LUZP2: variants seen among roughly 807,000 people sequenced by gnomAD.
LUZP2 encodes leucine zipper protein 2.
In LUZP2, 52 loss-of-function variants were observed where a neutral mutation model predicts 51.6. The observed-to-expected ratio is 1.01, with a 90% CI of 0.81 to 1.27. The LOEUF (loss-of-function observed/expected upper bound fraction) is 1.27, where lower values mean the gene tolerates loss of function less well. LUZP2 is among the 50% of genes most tolerant of loss of function. The probability of loss-of-function intolerance (pLI) is 0.00; values close to 1 mark genes in which losing one functional copy is unlikely to be tolerated. For missense variants in LUZP2, 436 were observed against 395.4 expected (o/e 1.10, Z -0.87); for synonymous variants, 154 against 137.3 (o/e 1.12, Z -0.85).
intron 1 of LUZP2, among the ~76,000 whole-genome samples, chr11:24,665,752 G>T (rs1856192248): frequency 6.6e-6 from 1 of 152,108 alleles, no homozygotes; most frequent in South Asian, 2.1e-4. Context: ...CTTCTGCCAT[G>T]ATTGTAAATT....
chr11:24,604,620 G>T (rs1853851207), intron 1 of LUZP2, among the ~76,000 whole-genome samples: 1 of 151,800 alleles, frequency 6.6e-6, no homozygotes, highest in East Asian at 1.9e-4. Flanking sequence ...GACACTGACT[G>T]CCTGGGTTCC....
chr11:24,642,532 C>T (rs1277041906), intron 1 of LUZP2, among the ~76,000 whole-genome samples: 1 of 151,732 alleles, frequency 6.6e-6, no homozygotes, highest in African/African-American at 2.4e-5. Flanking sequence ...GGTTTAGAAA[C>T]CATCATGGGA....
chr11:24,875,472 T>C (rs1852221876), intron 5 of LUZP2, among the ~76,000 whole-genome samples: 1 of 137,476 alleles, frequency 7.3e-6, no homozygotes, highest in Non-Finnish European at 1.6e-5. Flanking sequence ...ATGGTGTATA[T>C]GTGCCACATT....
chr11:24,956,365 G>C (rs1197945795), intron 7 of LUZP2, among the ~76,000 whole-genome samples: 1 of 152,020 alleles, frequency 6.6e-6, no homozygotes, highest in Non-Finnish European at 1.5e-5. Flanking sequence ...GGCCCAGTAA[G>C]TCATATTTTG....
rs775400617 is a variant in LUZP2, at chr11:24,986,147, T to A, written c.765+2854T>A. On this transcript the variant is annotated intron_variant, in intron 9 of 11. Coordinates refer to ENST00000336930, the MANE Select transcript of LUZP2 (RefSeq NM_001009909.4). ...CACTGTGTTTATTCAGAATGATAAA[T>A]ACTCCAGTGGTCTGTTGGAGCTGGC... is the stretch of plus-strand genomic sequence containing the variant. 2.0e-5 allele frequency among the ~76,000 whole-genome samples: 3 copies of A among 151,758 alleles called. No homozygotes were observed. The East Asian group carries it at 5.8e-4, about 29-fold the overall frequency.
At chr11:24,746,003 T>C (rs958703839) in intron 4 of LUZP2, among the ~76,000 whole-genome samples, 13 of 152,164 alleles carry the variant, frequency 8.5e-5, no homozygotes, top group African/African-American at 3.1e-4. Context: ...TGCAGTTCGG[T>C]ATCTTTTAAG....
chr11:24,907,527 C>T (rs774606259), intron 6 of LUZP2, among the ~76,000 whole-genome samples: 25 of 151,842 alleles, frequency 1.6e-4, no homozygotes, highest in Non-Finnish European at 3.7e-4. Context: ...TACAAATAGA[C>T]TTGTACATTG....
At chr11:24,858,193 C>T (rs1851627725) in intron 5 of LUZP2, among the ~76,000 whole-genome samples, 1 of 152,234 alleles carries the variant, frequency 6.6e-6, no homozygotes, top group East Asian at 1.9e-4. Flanking sequence ...AATTGTTGAG[C>T]ATACTTTTAA....
At chr11:24,984,130 G>C (rs1223033693) in intron 9 of LUZP2, among the ~76,000 whole-genome samples, 1 of 151,508 alleles carries the variant, frequency 6.6e-6, no homozygotes, top group African/African-American at 2.4e-5. Context: ...AGCATCACTT[G>C]TTATTAAAAT....
chr11:24,663,480 T>C (rs1386986732), intron 1 of LUZP2, among the ~76,000 whole-genome samples: 3 of 152,216 alleles, frequency 2.0e-5, no homozygotes, highest in African/African-American at 7.2e-5. Flanking sequence ...CTGAGGAATT[T>C]CTTTATAGCA....
intron 1 of LUZP2, among the ~76,000 whole-genome samples, chr11:24,514,534 C>G (rs1044544556): frequency 2.6e-5 from 4 of 152,132 alleles, no homozygotes; most frequent in African/African-American, 9.7e-5. Flanking sequence ...CTATCAAGCC[C>G]ACTTGTCAAT....
At chr11:24,517,521 T>G (rs1362969654) in intron 1 of LUZP2, among the ~76,000 whole-genome samples, 1 of 129,944 alleles carries the variant, frequency 7.7e-6, no homozygotes, top group African/African-American at 2.9e-5. Flanking sequence ...AAATTGTAGG[T>G]ACATATTAAA....
At chr11:24,790,278 G>A (rs1432015575) in intron 5 of LUZP2, among the ~76,000 whole-genome samples, 2 of 151,652 alleles carry the variant, frequency 1.3e-5, no homozygotes, top group African/African-American at 2.4e-5. Flanking sequence ...ATGTGAATTT[G>A]AAAAAAATAC....
chr11:25,019,559 T>C (rs952476107), intron 9 of LUZP2, among the ~76,000 whole-genome samples: 1 of 152,138 alleles, frequency 6.6e-6, no homozygotes, highest in African/African-American at 2.4e-5. Context: ...TGCCTTATAC[T>C]CCACCAAAAC....
At chr11:24,643,616 T>G (rs1455170695) in intron 1 of LUZP2, among the ~76,000 whole-genome samples, 2 of 152,196 alleles carry the variant, frequency 1.3e-5, no homozygotes, top group Non-Finnish European at 2.9e-5. Context: ...GAATTTGAAT[T>G]ACAGTGATTA....
intron 7 of LUZP2, among the ~76,000 whole-genome samples, chr11:24,974,964 AG>A (rs1163160035): frequency 6.6e-6 from 1 of 152,074 alleles, no homozygotes; most frequent in East Asian, 1.9e-4. Context: ...CCTGGGGGTC[AG>A]TGATCTTGGC....
At chr11:24,573,065 T>TA (rs1231350683) in intron 1 of LUZP2, among the ~76,000 whole-genome samples, 1 of 151,726 alleles carries the variant, frequency 6.6e-6, no homozygotes, top group Non-Finnish European at 1.5e-5. Context: ...GATAGGTGGG[T>TA]AAAAAATAAA....
chr11:24,761,147 G>GA (rs1343095158), intron 4 of LUZP2, among the ~76,000 whole-genome samples: 2 of 152,052 alleles, frequency 1.3e-5, no homozygotes, highest in Admixed American at 6.6e-5. Context: ...AATTTATAAA[G>GA]AAAAAAGGTT....
chr11:24,530,072 T>C (rs1208856534), intron 1 of LUZP2, among the ~76,000 whole-genome samples: 1 of 150,998 alleles, frequency 6.6e-6, no homozygotes, highest in Non-Finnish European at 1.5e-5. Flanking sequence ...TAACCTTCTT[T>C]AATTTTTGTG....
Sources: gnomAD v4.1 joint callset for allele counts (sites outside exome capture counted in the v4.1 genomes callset) on GRCh38, gnomAD v4.1.1 for gene constraint, MANE v1.5 for transcripts, NCBI Gene and HGNC (gene_info 2026-07-23, HGNC 2026-07-21) for gene names.